Variants in FRAS1 observed in about 807,000 individuals in gnomAD.
FRAS1 encodes the protein extracellular matrix organizing protein FRAS1.
Under a neutral mutation model 435.2 loss-of-function variants are expected in FRAS1, and 290 were observed. The ratio of observed to expected loss-of-function variants is 0.67; its 90% CI spans 0.61 to 0.73. The LOEUF (loss-of-function observed/expected upper bound fraction) is 0.73, where lower values mean the gene tolerates loss of function less well. Ranked by LOEUF, FRAS1 falls within the 30% of genes least tolerant of loss-of-function variation. FRAS1 has a pLI of 0.00. For missense variants in FRAS1, 4,860 were observed against 5,001.5 expected, an observed-to-expected ratio of 0.97 and a Z score of 0.85; for synonymous variants, 1,800 against 1,851.0, an observed-to-expected ratio of 0.97 and a Z score of 0.71.
At chr4:78,212,228 T>C (rs1021780615) in intron 2 of FRAS1, among the ~76,000 whole-genome samples, 3 of 152,204 alleles carry the variant, frequency 2.0e-5, no homozygotes, top group Non-Finnish European at 4.4e-5. Context: ...AATTCTTGTT[T>C]GTCCTTCAAG....
intron 14 of FRAS1, among the ~76,000 whole-genome samples, chr4:78,295,411 T>C (rs1048362204): frequency 6.6e-6 from 1 of 152,250 alleles, no homozygotes; most frequent in Non-Finnish European, 1.5e-5. Flanking sequence ...CAACACTAGG[T>C]ATTACAAGCC....
chr4:78,400,664 C>T, intron 29 of FRAS1, 70 bp from the exon 30 acceptor site: 1 of 1,447,844 alleles, frequency 6.9e-7, no homozygotes, highest in Non-Finnish European at 9.4e-7. Flanking sequence ...AACTGGATAA[C>T]TTATGTGTTT....
At chr4:78,320,763 C>A (rs190964475) in intron 18 of FRAS1, among the ~76,000 whole-genome samples, 27 of 152,170 alleles carry the variant, frequency 1.8e-4, no homozygotes, top group African/African-American at 6.5e-4. Context: ...GAACTGTGCA[C>A]CCTGAGGTTT....
At position 78,384,160 on chromosome 4, in the gene FRAS1, C is replaced by T. The variant is rs370591996; in HGVS notation, c.3648+17C>T. The T allele has an allele frequency of 2.8e-4, 421 of 1,529,428 alleles. No individual in the cohort carries two copies. Among genetic ancestry groups the T allele is most frequent in the African/African-American group, 4.9e-4 (35 of 71,358 alleles). The allele number at this position is 1,529,428 out of a possible 1,614,324, so 94.7% of individuals were successfully genotyped here. On this transcript the variant is annotated intron_variant, in intron 28 of 73. Transcript: ENST00000512123. ...TCAACACAGGTAATAAAAATGGCCA[C>T]GTAATTAATAATTTTACATGACTAC...
At chr4:78,248,462 G>A (rs1725362679) in intron 4 of FRAS1, among the ~76,000 whole-genome samples, 1 of 152,150 alleles carries the variant, frequency 6.6e-6, no homozygotes, top group Non-Finnish European at 1.5e-5. Context: ...GATGGGGCTT[G>A]AAGGTTTACT....
At chr4:78,308,465 G>A (rs1728882683) in intron 15 of FRAS1, among the ~76,000 whole-genome samples, 3 of 152,196 alleles carry the variant, frequency 2.0e-5, no homozygotes, top group Admixed American at 2.0e-4. Flanking sequence ...GTGAGGCCCA[G>A]GTGGCCTGCT....
intron 60 of FRAS1, among the ~76,000 whole-genome samples, chr4:78,498,772 C>G (rs1720587020): frequency 6.6e-6 from 1 of 152,020 alleles, no homozygotes; most frequent in South Asian, 2.1e-4. Flanking sequence ...ACCACCACCC[C>G]ACCCTTCCCC....
intron 2 of FRAS1, among the ~76,000 whole-genome samples, chr4:78,208,211 G>C (rs114908132): frequency 1.3e-5 from 2 of 152,024 alleles, no homozygotes; most frequent in African/African-American, 4.8e-5. Context: ...ACTACAGCTC[G>C]TGTCTCAGGA....
intron 2 of FRAS1, among the ~76,000 whole-genome samples, chr4:78,219,941 G>A (rs543103072): frequency 3.0e-4 from 46 of 152,242 alleles, no homozygotes; most frequent in Admixed American, 1.1e-3. Flanking sequence ...CATTCTCACC[G>A]ACAGAGGAGA....
chr4:78,291,857 A>G (rs1242097065), intron 14 of FRAS1, among the ~76,000 whole-genome samples: 1 of 152,232 alleles, frequency 6.6e-6, no homozygotes, highest in African/African-American at 2.4e-5. Context: ...GACGTAAAGA[A>G]TCAAACAACT....
intron 70 of FRAS1, among the ~76,000 whole-genome samples, chr4:78,533,836 C>T (rs1369310453): frequency 6.6e-6 from 1 of 152,170 alleles, no homozygotes; most frequent in East Asian, 1.9e-4. Flanking sequence ...TTTGGCATTA[C>T]TACCTTTGAG....
At chr4:78,111,917 A>G (rs1032569875) in intron 2 of FRAS1, among the ~76,000 whole-genome samples, 1 of 152,166 alleles carries the variant, frequency 6.6e-6, no homozygotes, top group African/African-American at 2.4e-5. Context: ...GCCATATTAC[A>G]CACTTCTGAT....
intron 2 of FRAS1, among the ~76,000 whole-genome samples, chr4:78,198,035 C>T (rs1722890387): frequency 6.6e-6 from 1 of 152,206 alleles, no homozygotes; most frequent in Admixed American, 6.5e-5. Context: ...CCTCCACCCA[C>T]CTCTGATTTC....
At chr4:78,117,552 A>G (rs901071720) in intron 2 of FRAS1, among the ~76,000 whole-genome samples, 2 of 151,624 alleles carry the variant, frequency 1.3e-5, no homozygotes, top group Non-Finnish European at 2.9e-5. Context: ...TTTTCTCTAA[A>G]CTTCTCTTCT....
chr4:78,526,298 T>G (rs976086364), intron 69 of FRAS1, among the ~76,000 whole-genome samples: 3 of 152,212 alleles, frequency 2.0e-5, no homozygotes, highest in African/African-American at 7.2e-5. Context: ...GCTTTCCTCA[T>G]AGGAAGGACC....
At chr4:78,120,296 G>A (rs1013847419) in intron 2 of FRAS1, among the ~76,000 whole-genome samples, 1 of 152,110 alleles carries the variant, frequency 6.6e-6, no homozygotes, top group Admixed American at 6.6e-5. Context: ...GTGGCAGCAG[G>A]GCAAGAATCA....
At position 78,252,478 on chromosome 4, in the gene FRAS1, G is replaced by A. The variant is rs370747359; in HGVS notation, c.396G>A (p.Pro132=). ...EVRCTPQPCP[P]LSCGHQELAF... is the part of the protein sequence containing the mutation. ...GATGTACCCCCCAACCATGCCCACC[G>A]CTGTCATGTGGACACCAGGAGCTGG... The change falls in exon 5 of 74, where the codon CCG becomes CCA. Residue 132 remains proline (P), a synonymous_variant. Transcript: ENST00000512123. 3.7e-4 allele frequency: 602 copies of A among 1,613,552 alleles called. 2 individuals carry two copies. The highest frequency in any genetic ancestry group is 8.8e-4 in the African/African-American group (66 of 74,918).
At chr4:78,283,894 T>C (rs141603768) in intron 12 of FRAS1, among the ~76,000 whole-genome samples, 1 of 152,156 alleles carries the variant, frequency 6.6e-6, no homozygotes, top group African/African-American at 2.4e-5. Flanking sequence ...TACCACTAAA[T>C]TCAGTGATAA....
intron 33 of FRAS1, among the ~76,000 whole-genome samples, chr4:78,421,551 C>A (rs764108219): frequency 6.6e-6 from 1 of 152,200 alleles, no homozygotes; most frequent in Non-Finnish European, 1.5e-5. Context: ...ATATTTATCT[C>A]TTTTGGCAAC....
Sources: gnomAD v4.1 joint callset for allele counts (sites outside exome capture counted in the v4.1 genomes callset) on GRCh38, gnomAD v4.1.1 for gene constraint, MANE v1.5 for transcripts, NCBI Gene and HGNC (gene_info 2026-07-23, HGNC 2026-07-21) for gene names.